Variants in TRIM44 observed in about 807,000 individuals in gnomAD.
TRIM44 encodes the protein tripartite motif-containing protein 44.
In TRIM44, 13 loss-of-function variants were observed where a neutral mutation model predicts 37.4. The observed-to-expected ratio is 0.35, with a 90% CI of 0.23 to 0.55. The LOEUF is 0.55. Ranked by LOEUF, TRIM44 falls within the 20% of genes least tolerant of loss-of-function variation. The pLI, the probability that TRIM44 is intolerant of heterozygous loss-of-function variation, is 0.89. For synonymous variants in TRIM44, 175 were observed against 157.2 expected (o/e 1.11, Z -0.85); for missense variants, 426 against 437.2 (o/e 0.97, Z 0.23).
chr11:35,684,248 CA>C (rs1190229130), intron 1 of TRIM44, among the ~76,000 whole-genome samples: 2 of 151,750 alleles, frequency 1.3e-5, no homozygotes, highest in Non-Finnish European at 2.9e-5. Context: ...TACTAGATTT[CA>C]AAGACCTAGC....
rs1853523484 is a variant in TRIM44 at position 35,811,130 on chromosome 11, A to G, written c.*4745A>G. ...GACGAGCTGCATACTTGACTGTGGT[A>G]ATGCTGGAGATGATGGTGTTTTGGT... On this transcript the variant is annotated 3_prime_UTR_variant, in exon 5 of 5. Coordinates refer to ENST00000299413, the MANE Select transcript of TRIM44 (RefSeq NM_017583.6). The G allele has an allele frequency of 1.3e-5, 2 of 152,112 alleles. No homozygotes were observed. Among genetic ancestry groups the G allele is most frequent in the African/African-American group, 4.8e-5 (2 of 41,424 alleles). The allele number at this position is 152,112 out of a possible 1,614,324, so 9.4% of individuals were successfully genotyped here.
At chr11:35,772,738 C>G (rs1852891005) in intron 4 of TRIM44, among the ~76,000 whole-genome samples, 1 of 152,150 alleles carries the variant, frequency 6.6e-6, no homozygotes, top group South Asian at 2.1e-4. Flanking sequence ...TAGGAAGTAA[C>G]TAAATTGCTT....
chr11:35,740,452 T>TAGAAAATATGTGCACAACTGTACATA (rs1852382672), intron 4 of TRIM44, among the ~76,000 whole-genome samples: 1 of 152,066 alleles, frequency 6.6e-6, no homozygotes, highest in African/African-American at 2.4e-5. Context: ...TTTCTGTAAT[T>TAGAAAATATGTGCACAACTGTACATA]TTTTTTAACC....
chr11:35,765,134 G>A (rs372146132), intron 4 of TRIM44, among the ~76,000 whole-genome samples: 4 of 152,142 alleles, frequency 2.6e-5, no homozygotes, highest in East Asian at 3.9e-4. Flanking sequence ...CAGTTGATTC[G>A]TTACAGAAAA....
intron 2 of TRIM44, among the ~76,000 whole-genome samples, chr11:35,686,666 C>T (rs758310080): frequency 6.6e-6 from 1 of 152,120 alleles, no homozygotes; most frequent in Non-Finnish European, 1.5e-5. Flanking sequence ...AAGTGATTCT[C>T]CTGCCTCAGC....
At chr11:35,702,091 A>G (rs1851795788) in intron 2 of TRIM44, among the ~76,000 whole-genome samples, 1 of 152,196 alleles carries the variant, frequency 6.6e-6, no homozygotes, top group Non-Finnish European at 1.5e-5. Flanking sequence ...CCCAGTCAAC[A>G]TTTTTCATTC....
chr11:35,805,874 G>A (rs185773220), intron 4 of TRIM44, among the ~76,000 whole-genome samples: 5 of 152,312 alleles, frequency 3.3e-5, no homozygotes, highest in East Asian at 1.9e-4. Context: ...TATGGCATGA[G>A]TTGAAATCTT....
intron 4 of TRIM44, among the ~76,000 whole-genome samples, chr11:35,747,097 G>A (rs1274279755): frequency 6.6e-6 from 1 of 152,096 alleles, no homozygotes; most frequent in East Asian, 1.9e-4. Flanking sequence ...GATGCATCTT[G>A]GTCTAGATAC....
chr11:35,788,860 T>G (rs1405666074), intron 4 of TRIM44, among the ~76,000 whole-genome samples: 1 of 152,182 alleles, frequency 6.6e-6, no homozygotes, highest in East Asian at 1.9e-4. Flanking sequence ...GACATAAGCT[T>G]TCTCTTTACA....
At chr11:35,694,894 C>A (rs933452732) in intron 2 of TRIM44, among the ~76,000 whole-genome samples, 3 of 152,016 alleles carry the variant, frequency 2.0e-5, no homozygotes, top group Admixed American at 6.6e-5. Context: ...CTCAGTGAAC[C>A]ATAAAAAAGC....
chr11:35,706,663 A>G (rs1173236868), intron 2 of TRIM44, among the ~76,000 whole-genome samples: 1 of 152,082 alleles, frequency 6.6e-6, no homozygotes, highest in South Asian at 2.1e-4. Flanking sequence ...GACAAAAACC[A>G]CATGATTATC....
intron 1 of TRIM44, among the ~76,000 whole-genome samples, chr11:35,668,896 C>G (rs1379499516): frequency 2.0e-5 from 3 of 152,036 alleles, no homozygotes; most frequent in Non-Finnish European, 4.4e-5. Context: ...TTCAAATGTG[C>G]TAGTATAAAT....
intron 2 of TRIM44, among the ~76,000 whole-genome samples, chr11:35,686,191 CA>C (rs1046841268): frequency 8.6e-5 from 13 of 151,936 alleles, no homozygotes; most frequent in African/African-American, 3.1e-4. Context: ...TGGGAGACAC[CA>C]TAACGGGGTG....
At position 35,774,091 on chromosome 11, in the gene TRIM44, G is replaced by C. The variant is rs1000891198; in HGVS notation, c.1008-32267G>C. On this transcript the variant is annotated intron_variant, in intron 4 of 4. Transcript: ENST00000299413. ...GAACTAGTTTACAGTCCCACCAACA[G>C]TGTAAAAGTGTTCCTATTTCTCCAC... is the stretch of plus-strand genomic sequence containing the variant. 2.6e-5 allele frequency among the ~76,000 whole-genome samples: 4 copies of C among 152,208 alleles called. No homozygotes were observed. In the South Asian group the frequency reaches 6.2e-4, roughly 24 times the overall value.
intron 4 of TRIM44, among the ~76,000 whole-genome samples, chr11:35,743,408 A>G (rs2135525849): frequency 6.6e-6 from 1 of 152,322 alleles, no homozygotes; most frequent in Non-Finnish European, 1.5e-5. Context: ...GTCACATCTC[A>G]TGATTTGTTA....
At chr11:35,736,591 C>T (rs970417260) in intron 4 of TRIM44, among the ~76,000 whole-genome samples, 3 of 152,122 alleles carry the variant, frequency 2.0e-5, no homozygotes, top group Admixed American at 6.5e-5. Flanking sequence ...TCTTTCTTAG[C>T]GCCAAATGTT....
At position 35,815,167 on chromosome 11, in the gene TRIM44, C is replaced by T. The variant is rs1853568326; in HGVS notation, c.*8782C>T. On this transcript the variant is annotated 3_prime_UTR_variant, in exon 5 of 5. Coordinates refer to ENST00000299413, the MANE Select transcript of TRIM44 (RefSeq NM_017583.6). ...AGAGGAGGTTAGCTACTTTCCCTGG[C>T]TCTTAAAAACATTTGAGTCCAAGTA... is the stretch of plus-strand genomic sequence containing the variant. 1 of 152,168 alleles carries T rather than the reference C, an allele frequency of 6.6e-6. No individual in the cohort carries two copies. The highest frequency in any genetic ancestry group is 6.5e-5 in the Admixed American group (1 of 15,276). The allele number at this position is 152,168 out of a possible 1,614,324, so 9.4% of individuals were successfully genotyped here. A position where few individuals can be genotyped will look rare whatever the true frequency, so the allele number is the denominator to read the frequency against.
At chr11:35,748,453 A>C (rs1045836605) in intron 4 of TRIM44, among the ~76,000 whole-genome samples, 8 of 152,248 alleles carry the variant, frequency 5.3e-5, no homozygotes, top group African/African-American at 1.9e-4. Context: ...TTTAATCCTC[A>C]AAACAATTTA....
intron 2 of TRIM44, among the ~76,000 whole-genome samples, chr11:35,702,872 G>T (rs1276095039): frequency 6.6e-6 from 1 of 152,218 alleles, no homozygotes; most frequent in African/African-American, 2.4e-5. Context: ...GAAGTACCGG[G>T]TTCATCTCAC....
Sources: gnomAD v4.1 joint callset for allele counts (sites outside exome capture counted in the v4.1 genomes callset) on GRCh38, gnomAD v4.1.1 for gene constraint, MANE v1.5 for transcripts, NCBI Gene and HGNC (gene_info 2026-07-23, HGNC 2026-07-21) for gene names.